Variants in SPAG6 observed in about 807,000 individuals in gnomAD.
SPAG6 encodes sperm associated antigen 6.
SPAG6 carries 49 observed loss-of-function variants against 58.5 expected under a neutral mutation model. The observed-to-expected ratio is 0.84, with a 90% CI of 0.67 to 1.06. SPAG6 has a LOEUF of 1.06. Among genes scored for constraint, SPAG6 ranks in the 50% least tolerant of loss-of-function variants. SPAG6 has a pLI of 0.00. For missense variants in SPAG6, 560 were observed against 611.3 expected (o/e 0.92, Z 0.89); for synonymous variants, 233 against 225.6 (o/e 1.03, Z -0.29).
At chr10:22,413,807 C>G (rs1216235080) in intron 10 of SPAG6, among the ~76,000 whole-genome samples, 2 of 151,608 alleles carry the variant, frequency 1.3e-5, no homozygotes, top group African/African-American at 2.4e-5. Flanking sequence ...TGTTGTCTTT[C>G]TATAAAAATA....
chr10:22,347,651 G>A (rs1411537140), intron 2 of SPAG6, among the ~76,000 whole-genome samples: 2 of 152,168 alleles, frequency 1.3e-5, no homozygotes, highest in African/African-American at 2.4e-5. Flanking sequence ...GTAGTGGCAG[G>A]TTAGCTCCTC....
intron 8 of SPAG6, among the ~76,000 whole-genome samples, chr10:22,396,476 G>A (rs1237528140): frequency 6.6e-6 from 1 of 152,104 alleles, no homozygotes; most frequent in African/African-American, 2.4e-5. Flanking sequence ...TCTTCCCCAT[G>A]TCGGGTATGT....
chr10:22,404,649 G>C lies in SPAG6; in HGVS notation c.1314+3372G>C, dbSNP rs1205551237. Among the ~76,000 whole-genome samples, 114 of 132,404 alleles carry C rather than the reference G, an allele frequency of 8.6e-4. 1 individual carries two copies. The highest frequency in any genetic ancestry group is 3.0e-3 in the African/African-American group (104 of 34,552). The allele number at this position is 132,404 out of a possible 152,430, so 86.9% of individuals were successfully genotyped here. A position where few individuals can be genotyped will look rare whatever the true frequency, so the allele number is the denominator to read the frequency against. On this transcript the variant is annotated intron_variant, in intron 9 of 10. Transcript: ENST00000376624. Reference sequence around the variant, plus strand: ...TTTTTGGTTCCATATGAACTTTAAAGTAGTTTTTTCCAATTCTGTGAAGAA... The same window carrying C: ...TTTTTGGTTCCATATGAACTTTAAACTAGTTTTTTCCAATTCTGTGAAGAA...
chr10:22,350,613 C>T (rs1054497722), intron 2 of SPAG6, among the ~76,000 whole-genome samples: 1 of 152,176 alleles, frequency 6.6e-6, no homozygotes, highest in Non-Finnish European at 1.5e-5. Flanking sequence ...GACCTTTGCA[C>T]TTCTGCCTGA....
chr10:22,383,397 T>C (rs1834001518), intron 4 of SPAG6, among the ~76,000 whole-genome samples: 1 of 152,062 alleles, frequency 6.6e-6, no homozygotes, highest in Non-Finnish European at 1.5e-5. Context: ...CCCAGCACTT[T>C]AGGAGGCTGA....
chr10:22,411,792 C>A (rs185593844), intron 10 of SPAG6: 2 of 148,992 alleles, frequency 1.3e-5, no homozygotes, highest in Admixed American at 1.3e-4. Context: ...TTCCACTAAA[C>A]TCTAAATAAA....
intron 2 of SPAG6, chr10:22,361,105 G>A (rs892874429): frequency 2.6e-6 from 1 of 388,820 alleles, no homozygotes; most frequent in Admixed American, 4.3e-5. Flanking sequence ...GAAATTTGGG[G>A]TACTATTTTT....
chr10:22,391,690 C>G (rs762742288), intron 7 of SPAG6, 39 bp from the exon 8 acceptor site: 5 of 1,586,512 alleles, frequency 3.2e-6, no homozygotes, highest in Non-Finnish European at 4.3e-6. Context: ...TAATCCTGCT[C>G]TAGATTCATA....
chr10:22,411,255 T>C (rs1340763663), intron 10 of SPAG6, 79 bp downstream of exon 10: 2 of 1,229,224 alleles, frequency 1.6e-6, no homozygotes, highest in Non-Finnish European at 1.1e-6. Context: ...ATATCCACTG[T>C]GTCAAAATGT....
At chr10:22,397,111 C>T (rs1386494243) in intron 8 of SPAG6, among the ~76,000 whole-genome samples, 2 of 151,832 alleles carry the variant, frequency 1.3e-5, no homozygotes, top group Non-Finnish European at 2.9e-5. Flanking sequence ...CCATAAACAA[C>T]CAATCATAAT....
At chr10:22,410,266 G>A (rs1286835905) in intron 9 of SPAG6, among the ~76,000 whole-genome samples, 1 of 152,108 alleles carries the variant, frequency 6.6e-6, no homozygotes, top group Non-Finnish European at 1.5e-5. Flanking sequence ...CAGGCACGAG[G>A]GAAATGAATG....
chr10:22,362,945 A>G (rs1281944259), intron 2 of SPAG6, among the ~76,000 whole-genome samples: 1 of 152,144 alleles, frequency 6.6e-6, no homozygotes, highest in Non-Finnish European at 1.5e-5. Context: ...ACACCAGCTC[A>G]TCCATATTCG....
intron 4 of SPAG6, among the ~76,000 whole-genome samples, chr10:22,371,523 T>A (rs1438281800): frequency 6.6e-6 from 1 of 152,226 alleles, no homozygotes; most frequent in African/African-American, 2.4e-5. Flanking sequence ...AAGTGCTGGA[T>A]TACAGGCGTG....
At chr10:22,398,067 A>G (rs1834335507) in intron 8 of SPAG6, among the ~76,000 whole-genome samples, 1 of 152,242 alleles carries the variant, frequency 6.6e-6, no homozygotes, top group Admixed American at 6.5e-5. Context: ...GTATGTATCA[A>G]TGGAATTGAA....
chr10:22,364,207 A>G (rs1412447287), intron 2 of SPAG6, among the ~76,000 whole-genome samples: 1 of 152,256 alleles, frequency 6.6e-6, no homozygotes, highest in Non-Finnish European at 1.5e-5. Flanking sequence ...TAAAATAGAC[A>G]TAATAGTAGG....
In SPAG6 at chr10:22,411,254, G is replaced by A. The variant is rs183131879; in HGVS notation, c.1460+78G>A. The A allele has an allele frequency of 1.7e-4, 205 of 1,217,794 alleles. 1 individual carries two copies. The African/African-American group carries it at 2.9e-3, about 17-fold the overall frequency. The allele number at this position is 1,217,794 out of a possible 1,614,324, so 75.4% of individuals were successfully genotyped here. On this transcript the variant is annotated intron_variant, in intron 10 of 10. Transcript: ENST00000376624. ...TTCACATCTAGGTTTTATATCCACT[G>A]TGTCAAAATGTGGACTTTGAAATAC...
At position 22,366,987 on chromosome 10, in the gene SPAG6, CA is replaced by C. The variant is rs776898854; in HGVS notation, c.289-1505del. Among the ~76,000 whole-genome samples, 19 of 150,700 alleles carry C rather than the reference CA, an allele frequency of 1.3e-4. No homozygotes were observed. In the East Asian group the frequency reaches 3.1e-3, roughly 25 times the overall value. The stretch of plus-strand genomic sequence containing the variant: ...GATTTAATCTCCTCTTTATGAGGTA[CA>C]AAGTCCTGTGGTTTTGCTGGGTTTT... On this transcript the variant is annotated intron_variant, in intron 3 of 10. Coordinates refer to ENST00000376624, the MANE Select transcript of SPAG6 (RefSeq NM_012443.4).
At chr10:22,361,219 C>T (rs1048899795) in intron 2 of SPAG6, 3 of 186,352 alleles carry the variant, frequency 1.6e-5, no homozygotes, top group Non-Finnish European at 3.3e-5. Context: ...TCAAAATTCT[C>T]TTTGTGCTAC....
At chr10:22,346,002 G>T in intron 2 of SPAG6, 184 bp downstream of exon 2, 2 of 1,547,878 alleles carry the variant, frequency 1.3e-6, no homozygotes, top group Non-Finnish European at 1.7e-6. Context: ...CCAGATGGTT[G>T]TGGGAGGTGC....
Sources: allele counts gnomAD v4.1 joint callset (sites outside exome capture counted in the v4.1 genomes callset), GRCh38; gene constraint gnomAD v4.1.1; transcripts MANE v1.5; gene names NCBI Gene and HGNC (gene_info 2026-07-23, HGNC 2026-07-21).